BRINP3: variants seen among roughly 807,000 people sequenced by gnomAD.
The protein encoded by BRINP3 is BMP/retinoic acid inducible neural specific 3, also known as BMP/retinoic acid-inducible neural-specific protein 3.
Under a neutral mutation model 71.0 loss-of-function variants are expected in BRINP3, and 19 were observed. The observed-to-expected ratio is 0.27, with a 90% confidence interval of 0.19 to 0.39. BRINP3 has a LOEUF of 0.39. BRINP3 is among the 10% of genes least tolerant of loss of function. BRINP3 has a pLI of 1.00. For synonymous variants in BRINP3, 380 were observed against 337.7 expected (o/e 1.13, Z -1.37); for missense variants, 959 against 940.8 (o/e 1.02, Z -0.25).
chr1:190,297,662 C>A (rs572293078), intron 2 of BRINP3, among the ~76,000 whole-genome samples: 147 of 151,316 alleles, frequency 9.7e-4, no homozygotes, highest in South Asian at 1.5e-3. Context: ...TTCTTTACAC[C>A]GTTCATATTA....
At position 190,206,481 on chromosome 1, in the gene BRINP3, A is replaced by G. The variant is rs556850102; in HGVS notation, c.961+19601T>C. On this transcript the variant is annotated intron_variant, in intron 6 of 7. Transcript: ENST00000367462. ...GAAGTAAAGTGCAGCATTAAGTTAG[A>G]AAAAAAACGTGTATGTGTATGATAA... 6.1e-5 allele frequency among the ~76,000 whole-genome samples: 9 copies of G among 146,386 alleles called. No homozygotes were observed. In the East Asian group the frequency reaches 1.4e-3, roughly 22 times the overall value.
At chr1:190,350,845 T>G (rs532925804) in intron 2 of BRINP3, among the ~76,000 whole-genome samples, 15 of 149,602 alleles carry the variant, frequency 1.0e-4, no homozygotes, top group African/African-American at 2.7e-4. Flanking sequence ...TTTTTTAGAC[T>G]GTGTTTTGCT....
At chr1:190,309,291 C>T (rs1318886220) in intron 2 of BRINP3, among the ~76,000 whole-genome samples, 1 of 151,492 alleles carries the variant, frequency 6.6e-6, no homozygotes, top group Non-Finnish European at 1.5e-5. Flanking sequence ...TGTCGGGAGA[C>T]AGGAGAAGGA....
rs1037543292 is a variant in BRINP3, at chr1:190,312,073, A to G, written c.237-30323T>C. On this transcript the variant is annotated intron_variant, in intron 2 of 7. Transcript: ENST00000367462. ...TATATATATATATATATATATATAT[A>G]TATGTATTTCTAAGGTCACCTTGTA... Among the ~76,000 whole-genome samples the G allele has an allele frequency of 1.7e-3, 234 of 139,622 alleles. 4 individuals are homozygous for G. Among genetic ancestry groups the G allele is most frequent in the East Asian group, 6.2e-3 (30 of 4,864 alleles). The allele number at this position is 139,622 out of a possible 152,430, so 91.6% of individuals were successfully genotyped here.
intron 3 of BRINP3, among the ~76,000 whole-genome samples, chr1:190,275,383 A>G (rs894978754): frequency 6.6e-6 from 1 of 151,608 alleles, no homozygotes; most frequent in Non-Finnish European, 1.5e-5. Context: ...TAATGTGCAT[A>G]TAAATCACCT....
intron 6 of BRINP3, among the ~76,000 whole-genome samples, chr1:190,218,640 A>C (rs186603673): frequency 6.2e-4 from 95 of 152,138 alleles, no homozygotes; most frequent in African/African-American, 2.3e-3. Flanking sequence ...ACATTTTATT[A>C]ACAAGTCAAC....
chr1:190,373,082 AAT>A (rs534356811), intron 2 of BRINP3, among the ~76,000 whole-genome samples: 328 of 152,264 alleles, frequency 2.2e-3, no homozygotes, highest in Non-Finnish European at 3.5e-3. Flanking sequence ...CACTGAATAT[AAT>A]ATGTTAAAAT....
intron 5 of BRINP3, among the ~76,000 whole-genome samples, chr1:190,227,394 AT>A (rs1327916629): frequency 6.6e-6 from 1 of 151,790 alleles, no homozygotes; most frequent in Non-Finnish European, 1.5e-5. Flanking sequence ...TATATATTCG[AT>A]TTCATATTAA....
intron 6 of BRINP3, among the ~76,000 whole-genome samples, chr1:190,212,520 T>C (rs944072466): frequency 2.0e-5 from 3 of 152,118 alleles, no homozygotes; most frequent in Non-Finnish European, 4.4e-5. Context: ...TGAGATTATA[T>C]GGATAGATGA....
intron 1 of BRINP3, among the ~76,000 whole-genome samples, chr1:190,468,914 A>T: frequency 6.6e-6 from 1 of 150,874 alleles, no homozygotes; most frequent in East Asian, 1.9e-4. Context: ...TTAAGTTTCA[A>T]TTCACAGAGA....
At chr1:190,339,037 T>C (rs528969186) in intron 2 of BRINP3, among the ~76,000 whole-genome samples, 10 of 150,236 alleles carry the variant, frequency 6.7e-5, no homozygotes, top group African/African-American at 2.4e-4. Context: ...AATAAATAAA[T>C]AAATAAATAA....
chr1:190,277,776 T>C (rs1662712091), intron 3 of BRINP3, among the ~76,000 whole-genome samples: 1 of 151,746 alleles, frequency 6.6e-6, no homozygotes, highest in Non-Finnish European at 1.5e-5. Flanking sequence ...AAATCAATAT[T>C]TCCCAGAAGT....
intron 2 of BRINP3, among the ~76,000 whole-genome samples, chr1:190,330,584 G>A (rs1666899738): frequency 6.6e-6 from 1 of 151,938 alleles, no homozygotes; most frequent in Non-Finnish European, 1.5e-5. Flanking sequence ...AGTTCTCAAA[G>A]AACTTAAAAT....
At chr1:190,126,079 A>G (rs1654063756) in intron 7 of BRINP3, among the ~76,000 whole-genome samples, 1 of 151,948 alleles carries the variant, frequency 6.6e-6, no homozygotes, top group Non-Finnish European at 1.5e-5. Context: ...CATGTACCCT[A>G]ATTTAACTGG....
At chr1:190,181,730 G>T (rs1162245459) in intron 6 of BRINP3, among the ~76,000 whole-genome samples, 1 of 151,858 alleles carries the variant, frequency 6.6e-6, no homozygotes. Context: ...TACATGTATT[G>T]AGGATCATTC....
chr1:190,115,699 C>T (rs1653074683), intron 7 of BRINP3, among the ~76,000 whole-genome samples: 1 of 152,062 alleles, frequency 6.6e-6, no homozygotes, highest in South Asian at 2.1e-4. Context: ...TGGAGAAGTT[C>T]TAAAACTGTA....
intron 3 of BRINP3, among the ~76,000 whole-genome samples, chr1:190,274,934 G>T (rs537790125): frequency 4.0e-4 from 60 of 151,734 alleles, no homozygotes; most frequent in African/African-American, 1.4e-3. Flanking sequence ...ACACCAATTG[G>T]CATCTGCAAG....
chr1:190,255,124 G>A (rs1280191994), intron 4 of BRINP3, among the ~76,000 whole-genome samples: 1 of 151,842 alleles, frequency 6.6e-6, no homozygotes, highest in East Asian at 1.9e-4. Context: ...GGGTGAAGCT[G>A]ACTTGATTAT....
chr1:190,138,543 G>A (rs1219125630), intron 7 of BRINP3, among the ~76,000 whole-genome samples: 1 of 152,164 alleles, frequency 6.6e-6, no homozygotes, highest in Non-Finnish European at 1.5e-5. Flanking sequence ...GAGCTCAGAT[G>A]TTAGTTTTTG....
Sources: gnomAD v4.1 joint callset for allele counts (sites outside exome capture counted in the v4.1 genomes callset) on GRCh38, gnomAD v4.1.1 for gene constraint, MANE v1.5 for transcripts, NCBI Gene and HGNC (gene_info 2026-07-23, HGNC 2026-07-21) for gene names.